Variants in MTMR4 observed in about 807,000 individuals in gnomAD.
MTMR4 encodes phosphatidylinositol-3,5-bisphosphate 3-phosphatase MTMR4.
MTMR4 carries 30 observed loss-of-function variants against 125.5 expected under a neutral mutation model. The ratio of observed to expected loss-of-function variants is 0.24; its 90% CI spans 0.18 to 0.32. MTMR4 has a LOEUF of 0.32. Among genes scored for constraint, MTMR4 ranks in the 10% least tolerant of loss-of-function variants. The probability of loss-of-function intolerance (pLI) is 1.00; values close to 1 mark genes in which losing one functional copy is unlikely to be tolerated. For missense variants in MTMR4, 1,039 were observed against 1,511.5 expected, an observed-to-expected ratio of 0.69 and a Z score of 5.18; for synonymous variants, 498 against 564.5, an observed-to-expected ratio of 0.88 and a Z score of 1.67.
At chr17:58,518,913 G>T (rs905306675), upstream of MTMR4, among the ~76,000 whole-genome samples, 1 of 152,188 alleles carries the variant, frequency 6.6e-6, no homozygotes, top group African/African-American at 2.4e-5. Flanking sequence ...TTTATAGAAC[G>T]TTGAAACTCC....
intron 15 of MTMR4, among the ~76,000 whole-genome samples, chr17:58,493,655 C>T (rs1253951772): frequency 2.0e-5 from 3 of 152,032 alleles, no homozygotes; most frequent in East Asian, 3.8e-4. Flanking sequence ...TGCCTGGCTA[C>T]GGCTGCTTTT....
chr17:58,497,813 C>T (rs1415094558), intron 14 of MTMR4, among the ~76,000 whole-genome samples: 1 of 151,592 alleles, frequency 6.6e-6, no homozygotes, highest in Non-Finnish European at 1.5e-5. Context: ...CCAGGGTCCA[C>T]CCAAGACCTA....
chr17:58,503,184 T>C (rs1451078944), intron 14 of MTMR4, among the ~76,000 whole-genome samples: 5 of 152,158 alleles, frequency 3.3e-5, no homozygotes, highest in African/African-American at 1.2e-4. Context: ...TTCTGTTTTG[T>C]TCTCTCCCCT....
upstream of MTMR4, among the ~76,000 whole-genome samples, chr17:58,515,296 A>C (rs560736580): frequency 6.6e-6 from 1 of 152,340 alleles, no homozygotes; most frequent in African/African-American, 2.4e-5. Flanking sequence ...GCAGCGGAGT[A>C]GAGAGAGTTG....
chr17:58,512,096 C>A lies in MTMR4; in HGVS notation c.252+294G>T, dbSNP rs936999058. ...CCACCTCCCAGGTTCAAGTGATTCCCGTACCTCAGCCCCCGAGTAGGTGGG... is the reference window on the plus strand; with the variant it reads ...CCACCTCCCAGGTTCAAGTGATTCCAGTACCTCAGCCCCCGAGTAGGTGGG... On this transcript the variant is annotated intron_variant, in intron 3 of 17. Transcript: ENST00000682306. The surrounding 1 kb of genome is among the most constrained non-coding windows in gnomAD (Gnocchi z 4.1). 1.3e-5 allele frequency among the ~76,000 whole-genome samples: 2 copies of A among 152,094 alleles called. No individual in the cohort carries two copies. Among genetic ancestry groups the A allele is most frequent in the Non-Finnish European group, 2.9e-5 (2 of 68,018 alleles).
chr17:58,500,172 G>A (rs953005731), intron 14 of MTMR4, among the ~76,000 whole-genome samples: 3 of 152,110 alleles, frequency 2.0e-5, no homozygotes, highest in Non-Finnish European at 4.4e-5. Flanking sequence ...TGTCACCCAG[G>A]CTGGAGTGCA....
At chr17:58,492,805 T>C in intron 16 of MTMR4, 37 bp downstream of exon 16, 1 of 1,556,740 alleles carries the variant, frequency 6.4e-7, no homozygotes, top group Non-Finnish European at 8.9e-7. Context: ...ACTCACTGGC[T>C]CACGTAAGTA....
At chr17:58,501,377 T>C (rs925977462) in intron 14 of MTMR4, among the ~76,000 whole-genome samples, 7 of 151,922 alleles carry the variant, frequency 4.6e-5, no homozygotes, top group Non-Finnish European at 7.4e-5. Flanking sequence ...ATGAGCTAAT[T>C]AGCTACCTGG....
At chr17:58,493,112 A>T (rs1441311318) in intron 15 of MTMR4, among the ~76,000 whole-genome samples, 160 bp from the exon 16 acceptor site, 1 of 152,274 alleles carries the variant, frequency 6.6e-6, no homozygotes, top group Non-Finnish European at 1.5e-5. Context: ...CAAATAAGAA[A>T]ATGAAGCCAC....
chr17:58,508,171 C>T lies in MTMR4; in HGVS notation c.697G>A (p.Val233Ile). ...SFRSWKRIPV[V>I]VYRHLRNGAA... ...GCCCCACTGCCTCACCTATACACAA[C>T]CACGGGAATCCGCTTCCAGGAGCGG... is the stretch of plus-strand genomic sequence containing the variant. Residue 233 changes from valine (V) to isoleucine (I), a missense_variant, in exon 7 of 18, where the codon GTT (valine) becomes ATT (isoleucine). Val to Ile is a conservative substitution (Grantham distance 29). Coordinates refer to ENST00000682306, the MANE Select transcript of MTMR4 (RefSeq NM_001378067.1). This position sits in a 1 kb window ranked among gnomAD's most constrained non-coding sequence, Gnocchi z 4.8. 6.2e-7 allele frequency: 1 copy of T among 1,613,632 alleles called. No individual in the cohort carries two copies. Among genetic ancestry groups the T allele is most frequent in the Non-Finnish European group, 8.5e-7 (1 of 1,179,908 alleles).
In MTMR4 at chr17:58,505,592, A is replaced by G. The variant is rs1280072088; in HGVS notation, c.1034-9T>C. ...ACAGTTGGGATAGTACTCTGTAGACATGACAGGAGAGTGGGACATAAAAGC... is the reference window on the plus strand; with the variant it reads ...ACAGTTGGGATAGTACTCTGTAGACGTGACAGGAGAGTGGGACATAAAAGC... On this transcript the variant is annotated splice_polypyrimidine_tract_variant and intron_variant, in intron 9 of 17. Transcript: ENST00000682306. 1.2e-6 allele frequency: 2 copies of G among 1,601,708 alleles called. No individual in the cohort carries two copies. The highest frequency in any genetic ancestry group is 1.7e-5 in the Admixed American group (1 of 59,700).
rs1975756078 is a variant in MTMR4 at position 58,505,503 on chromosome 17, C to T, written c.1114G>A (p.Ala372Thr). The T allele has an allele frequency of 6.2e-7, 1 of 1,613,042 alleles. No homozygotes were observed. Among genetic ancestry groups the T allele is most frequent in the African/African-American group, 1.3e-5 (1 of 75,004 alleles). The change falls in exon 10 of 18, where the codon GCT becomes ACT. Residue 372 changes from alanine to threonine, a missense_variant. Coordinates refer to ENST00000682306, the MANE Select transcript of MTMR4 (RefSeq NM_001378067.1). ...AIRNSFQYLR[A>T]VCSQMPDPSN... Reference sequence around the variant, plus strand: ...GGATCCGGCATCTGGCTACACACAGCCCGGAGGTACTGAAAGCTGTTCCGG... The same window carrying T: ...GGATCCGGCATCTGGCTACACACAGTCCGGAGGTACTGAAAGCTGTTCCGG...
chr17:58,507,820 C>A (rs1465601180), intron 7 of MTMR4, among the ~76,000 whole-genome samples: 2 of 151,982 alleles, frequency 1.3e-5, no homozygotes, highest in Non-Finnish European at 2.9e-5. Context: ...TCACAGCTTA[C>A]AAGCCGTTTT....
intron 14 of MTMR4, among the ~76,000 whole-genome samples, chr17:58,500,747 C>CAAAA (rs60355286): frequency 1.6e-4 from 15 of 92,200 alleles, no homozygotes; most frequent in South Asian, 4.3e-4. Context: ...GATTCTGTCT[C>CAAAA]AAAAAAAAAA....
At chr17:58,505,272 G>A (rs538169054) in intron 10 of MTMR4, among the ~76,000 whole-genome samples, 200 bp downstream of exon 10, 5 of 152,200 alleles carry the variant, frequency 3.3e-5, no homozygotes, top group Non-Finnish European at 7.3e-5. Flanking sequence ...CCAAACGAAA[G>A]GAATCCATGT....
chr17:58,498,341 A>C, intron 14 of MTMR4, among the ~76,000 whole-genome samples: 1 of 151,754 alleles, frequency 6.6e-6, no homozygotes, highest in East Asian at 1.9e-4. Context: ...ATGTGTACCA[A>C]AGGTTAGTCA....
Position 58,508,142 on chromosome 17 carries a change from C to T in MTMR4, c.707+19G>A. The T allele has an allele frequency of 1.2e-5, 19 of 1,598,434 alleles. No individual in the cohort carries two copies. The highest frequency in any genetic ancestry group is 1.5e-5 in the Non-Finnish European group (18 of 1,166,818). ...TGCATAAGAAATGGCCTCCCTACTT[C>T]CCAGCCCCACTGCCTCACCTATACA... is the stretch of plus-strand genomic sequence containing the variant. On this transcript the variant is annotated intron_variant, in intron 7 of 17. Coordinates refer to ENST00000682306, the MANE Select transcript of MTMR4 (RefSeq NM_001378067.1). The surrounding 1 kb of genome is among the most constrained non-coding windows in gnomAD (Gnocchi z 4.8).
intron 15 of MTMR4, among the ~76,000 whole-genome samples, chr17:58,493,834 A>G (rs765620920): frequency 1.3e-5 from 2 of 152,156 alleles, no homozygotes; most frequent in Admixed American, 6.5e-5. Context: ...GAAGGAAGGA[A>G]AGTGTCTGTG....
chr17:58,510,540 A>G (rs1288424224), intron 4 of MTMR4: 1 of 152,118 alleles, frequency 6.6e-6, no homozygotes, highest in Non-Finnish European at 1.5e-5. Flanking sequence ...TGGTGTAATC[A>G]CAGCTCACTG....
Sources: allele counts gnomAD v4.1 joint callset (sites outside exome capture counted in the v4.1 genomes callset), GRCh38; gene constraint gnomAD v4.1.1; non-coding constraint Gnocchi (gnomAD v3.1); transcripts MANE v1.5; gene names NCBI Gene and HGNC (gene_info 2026-07-23, HGNC 2026-07-21).